Variants in UNC5C observed in about 807,000 individuals in gnomAD.
UNC5C encodes the protein netrin receptor UNC5C.
A neutral mutation model predicts 99.8 loss-of-function variants in UNC5C; 47 were observed. The observed-to-expected ratio is 0.47, with a 90% CI of 0.37 to 0.60. The LOEUF (loss-of-function observed/expected upper bound fraction) is 0.60, where lower values mean the gene tolerates loss of function less well. Among genes scored for constraint, UNC5C ranks in the 20% least tolerant of loss-of-function variants. The probability of loss-of-function intolerance (pLI) is 0.00; values close to 1 mark genes in which losing one functional copy is unlikely to be tolerated. For synonymous variants in UNC5C, 487 were observed against 452.2 expected (o/e 1.08, Z -0.98); for missense variants, 1,062 against 1,165.9 (o/e 0.91, Z 1.30).
At chr4:95,319,461 TTGCAAGATAC>T (rs1386974492) in intron 2 of UNC5C, among the ~76,000 whole-genome samples, 3 of 152,230 alleles carry the variant, frequency 2.0e-5, no homozygotes, top group African/African-American at 7.2e-5. Flanking sequence ...TTGCTTTTCA[TTGCAAGATAC>T]TGTATTTCCT....
chr4:95,394,320 G>A (rs1456560970), intron 1 of UNC5C, among the ~76,000 whole-genome samples: 1 of 151,210 alleles, frequency 6.6e-6, no homozygotes, highest in Non-Finnish European at 1.5e-5. Flanking sequence ...GAAATCTCAC[G>A]AATGGGGGGT....
intron 1 of UNC5C, among the ~76,000 whole-genome samples, chr4:95,529,336 GTA>G (rs1482076588): frequency 4.1e-5 from 6 of 146,546 alleles, no homozygotes; most frequent in African/African-American, 1.5e-4. Context: ...ATATTTATAT[GTA>G]TATATGTGTA....
At chr4:95,264,842 C>G (rs1173630259) in intron 4 of UNC5C, among the ~76,000 whole-genome samples, 1 of 152,198 alleles carries the variant, frequency 6.6e-6, no homozygotes, top group African/African-American at 2.4e-5. Flanking sequence ...GAAAAGCCTC[C>G]CTCTGCTGTC....
intron 2 of UNC5C, among the ~76,000 whole-genome samples, chr4:95,313,966 A>G (rs1742374249): frequency 6.6e-6 from 1 of 152,188 alleles, no homozygotes; most frequent in African/African-American, 2.4e-5. Context: ...AAGACTAAAA[A>G]TGTGTTTGTC....
rs141332346 is a variant in UNC5C, at chr4:95,359,876, G to A, written c.125-24245C>T. 3.0e-3 allele frequency among the ~76,000 whole-genome samples: 457 copies of A among 152,214 alleles called. 1 individual carries two copies. Among genetic ancestry groups the A allele is most frequent in the African/African-American group, 0.011 (438 of 41,548 alleles). ...TACAATATGCCAGGTATCCTACTAA[G>A]GACTTGGATATTTTCCCTCATTTAA... On this transcript the variant is annotated intron_variant, in intron 1 of 15. Transcript: ENST00000453304.
chr4:95,333,638 G>C (rs907514194), intron 2 of UNC5C, among the ~76,000 whole-genome samples: 11 of 151,976 alleles, frequency 7.2e-5, no homozygotes, highest in African/African-American at 2.2e-4. Context: ...CAGTTAATGG[G>C]TGCAGCACAC....
At chr4:95,329,483 A>G (rs1743028968) in intron 2 of UNC5C, among the ~76,000 whole-genome samples, 1 of 152,290 alleles carries the variant, frequency 6.6e-6, no homozygotes, top group African/African-American at 2.4e-5. Flanking sequence ...ATGGGCCTTC[A>G]AAAAGATTGT....
chr4:95,219,427 C>T (rs1163141896), intron 8 of UNC5C, 114 bp from the exon 9 acceptor site: 34 of 975,100 alleles, frequency 3.5e-5, no homozygotes, highest in South Asian at 1.4e-4. Context: ...CAGCTAATAT[C>T]GGAGATAGAT....
At chr4:95,248,259 C>T in intron 5 of UNC5C, 1 of 257,412 alleles carries the variant, frequency 3.9e-6, no homozygotes, top group Non-Finnish European at 7.7e-6. Context: ...TAACACAAAT[C>T]AACAGGAGAA....
At chr4:95,229,903 T>C (rs1361513454) in intron 7 of UNC5C, among the ~76,000 whole-genome samples, 1 of 143,088 alleles carries the variant, frequency 7.0e-6, no homozygotes, top group East Asian at 2.2e-4. Flanking sequence ...CTGCACCTCC[T>C]GGGTTCAAGC....
intron 2 of UNC5C, among the ~76,000 whole-genome samples, chr4:95,331,747 AAAT>A (rs1161502738): frequency 6.6e-6 from 1 of 152,072 alleles, no homozygotes; most frequent in African/African-American, 2.4e-5. Flanking sequence ...CAATTATAAA[AAAT>A]AAAGATTTCA....
intron 7 of UNC5C, among the ~76,000 whole-genome samples, chr4:95,241,316 C>A (rs993090129): frequency 3.3e-5 from 5 of 152,106 alleles, no homozygotes; most frequent in African/African-American, 9.7e-5. Flanking sequence ...ATGCAGTGTA[C>A]CCTGAACATA....
intron 1 of UNC5C, among the ~76,000 whole-genome samples, chr4:95,400,599 G>C (rs1245999361): frequency 8.6e-5 from 13 of 152,028 alleles, no homozygotes; most frequent in Admixed American, 8.5e-4. Flanking sequence ...CACCGTGTTA[G>C]CCAGGATGGT....
intron 2 of UNC5C, among the ~76,000 whole-genome samples, chr4:95,316,775 A>G (rs1341726173): frequency 6.6e-6 from 1 of 152,160 alleles, no homozygotes; most frequent in Non-Finnish European, 1.5e-5. Context: ...TACATATCTT[A>G]TAAATGTCAA....
At chr4:95,270,422 T>TAA (rs35049003) in intron 4 of UNC5C, among the ~76,000 whole-genome samples, 6 of 151,996 alleles carry the variant, frequency 3.9e-5, no homozygotes, top group Non-Finnish European at 8.8e-5. Context: ...TAGACAATGG[T>TAA]AAAAAATATA....
At chr4:95,477,904 A>G (rs1262608494) in intron 1 of UNC5C, among the ~76,000 whole-genome samples, 1 of 151,984 alleles carries the variant, frequency 6.6e-6, no homozygotes, top group African/African-American at 2.4e-5. Context: ...CCCTAACCAA[A>G]TGAGGTAGCC....
chr4:95,215,475 C>T (rs1738215067), intron 10 of UNC5C, among the ~76,000 whole-genome samples: 1 of 152,168 alleles, frequency 6.6e-6, no homozygotes, highest in Non-Finnish European at 1.5e-5. Flanking sequence ...GAATTTAGGA[C>T]TTCTCAATGC....
intron 5 of UNC5C, among the ~76,000 whole-genome samples, chr4:95,248,810 C>T (rs1324282692): frequency 6.6e-6 from 1 of 152,086 alleles, no homozygotes; most frequent in Non-Finnish European, 1.5e-5. Context: ...GTTGTTGTAA[C>T]ATTGTGGTGT....
At chr4:95,467,028 C>T (rs920350914) in intron 1 of UNC5C, among the ~76,000 whole-genome samples, 2 of 152,098 alleles carry the variant, frequency 1.3e-5, no homozygotes, top group African/African-American at 2.4e-5. Context: ...AATGATGACA[C>T]TCGAGCCATG....
Sources: allele counts gnomAD v4.1 joint callset (sites outside exome capture counted in the v4.1 genomes callset), GRCh38; gene constraint gnomAD v4.1.1; transcripts MANE v1.5; gene names NCBI Gene and HGNC (gene_info 2026-07-23, HGNC 2026-07-21).